GRIN2A: variants seen among roughly 807,000 people sequenced by gnomAD.
GRIN2A encodes the protein glutamate receptor ionotropic, NMDA 2A.
A neutral mutation model predicts 113.4 loss-of-function variants in GRIN2A; 22 were observed. That is an observed-to-expected ratio of 0.19 (90% CI 0.14 to 0.28). GRIN2A has a LOEUF of 0.28. GRIN2A is among the 10% of genes least tolerant of loss of function. The pLI is 1.00. For missense variants in GRIN2A, 1,502 were observed against 1,887.0 expected, an observed-to-expected ratio of 0.80 and a Z score of 3.78; for synonymous variants, 827 against 738.4, an observed-to-expected ratio of 1.12 and a Z score of -1.94.
intron 2 of GRIN2A, among the ~76,000 whole-genome samples, chr16:10,014,717 C>T (rs538795198): frequency 2.0e-5 from 3 of 152,236 alleles, no homozygotes; most frequent in African/African-American, 7.2e-5. Context: ...ATGAGGGTGT[C>T]TCAAGAAGTG....
chr16:10,046,281 C>G (rs770135304), intron 2 of GRIN2A, among the ~76,000 whole-genome samples: 1 of 151,944 alleles, frequency 6.6e-6, no homozygotes, highest in Non-Finnish European at 1.5e-5. Flanking sequence ...CTTATCACCA[C>G]CCTGAGGATG....
At chr16:10,011,320 A>G (rs183713312) in intron 2 of GRIN2A, among the ~76,000 whole-genome samples, 4 of 152,334 alleles carry the variant, frequency 2.6e-5, no homozygotes, top group Non-Finnish European at 5.9e-5. Flanking sequence ...GTAAGGTGCT[A>G]AGGTACCTGT....
At chr16:9,831,794 G>A (rs1037052125) in intron 8 of GRIN2A, among the ~76,000 whole-genome samples, 2 of 152,040 alleles carry the variant, frequency 1.3e-5, no homozygotes, top group Non-Finnish European at 2.9e-5. Context: ...GGGATTACAG[G>A]CATGAGCCAC....
chr16:10,074,156 C>G (rs1171420372), intron 2 of GRIN2A, among the ~76,000 whole-genome samples: 1 of 152,134 alleles, frequency 6.6e-6, no homozygotes, highest in Non-Finnish European at 1.5e-5. Flanking sequence ...TAGAGAAATG[C>G]AAATCAAAAT....
intron 2 of GRIN2A, among the ~76,000 whole-genome samples, chr16:10,128,892 G>C (rs935878869): frequency 6.6e-6 from 1 of 152,164 alleles, no homozygotes. Flanking sequence ...AGAAATTCTG[G>C]CTCCCAGCTA....
rs1900532193 is a variant in GRIN2A, at chr16:9,760,398, T to TG, written c.*2750dup. The TG allele has an allele frequency of 1.0e-5, 2 of 198,906 alleles. No individual in the cohort carries two copies. Among genetic ancestry groups the TG allele is most frequent in the East Asian group, 7.5e-5 (1 of 13,374 alleles). The allele number at this position is 198,906 out of a possible 1,614,324, so 12.3% of individuals were successfully genotyped here. A position where few individuals can be genotyped will look rare whatever the true frequency, so the allele number is the denominator to read the frequency against. Reference sequence around the variant, plus strand: ...GATTTTTTTTTTTTTTTTTTTTTTTTGCTTGGGATCATCACATTGAAGAGT... The same window carrying TG: ...GATTTTTTTTTTTTTTTTTTTTTTTTGGCTTGGGATCATCACATTGAAGAGT... On this transcript the variant is annotated 3_prime_UTR_variant, in exon 13 of 13. Coordinates refer to ENST00000330684, the MANE Select transcript of GRIN2A (RefSeq NM_001134407.3).
intron 2 of GRIN2A, among the ~76,000 whole-genome samples, chr16:9,977,648 A>G (rs2045803025): frequency 6.6e-6 from 1 of 152,110 alleles, no homozygotes; most frequent in Non-Finnish European, 1.5e-5. Flanking sequence ...CAGCTTTGCC[A>G]CTAAATTTTA....
At chr16:10,060,127 A>G (rs2047525644) in intron 2 of GRIN2A, among the ~76,000 whole-genome samples, 1 of 152,102 alleles carries the variant, frequency 6.6e-6, no homozygotes, top group Admixed American at 6.6e-5. Flanking sequence ...AGTGAGGGAG[A>G]AATCACCTAT....
chr16:10,114,105 A>G (rs975429577), intron 2 of GRIN2A, among the ~76,000 whole-genome samples: 1 of 152,126 alleles, frequency 6.6e-6, no homozygotes, highest in African/African-American at 2.4e-5. Flanking sequence ...GGCAAGAAAA[A>G]TTGCCTGAGC....
chr16:9,822,359 C>G lies in GRIN2A; in HGVS notation c.2073G>C (p.Glu691Asp). The change falls in exon 10 of 13, where the codon GAG becomes GAC. Residue 691 changes from glutamate (E) to aspartate (D), a missense_variant. Physicochemically the swap from Glu to Asp is conservative, Grantham distance 45 (BLOSUM62 2). Transcript: ENST00000330684. ...RFGTVPNGSTERNIRNNYPYM... is the reference protein window; with the variant it reads ...RFGTVPNGSTDRNIRNNYPYM... ...AGGGATAGTTATTCCGAATGTTTCT[C>G]TCCGTGCTTCCATTAGGCACTGTCC... The G allele has an allele frequency of 6.2e-7, 1 of 1,612,694 alleles. No individual in the cohort carries two copies. The highest frequency in any genetic ancestry group is 8.5e-7 in the Non-Finnish European group (1 of 1,178,760).
At chr16:10,057,597 C>T (rs983116702) in intron 2 of GRIN2A, among the ~76,000 whole-genome samples, 13 of 151,814 alleles carry the variant, frequency 8.6e-5, no homozygotes, top group African/African-American at 3.1e-4. Flanking sequence ...TAACAGAAAG[C>T]CTCTGTAAGG....
At chr16:9,847,235 A>G (rs1375762940) in intron 5 of GRIN2A, among the ~76,000 whole-genome samples, 3 of 152,152 alleles carry the variant, frequency 2.0e-5, no homozygotes, top group African/African-American at 7.2e-5. Context: ...ACAGCCAGAA[A>G]AGTGGAAACT....
chr16:9,815,741 C>T (rs2042174832), intron 10 of GRIN2A, among the ~76,000 whole-genome samples: 1 of 152,182 alleles, frequency 6.6e-6, no homozygotes, highest in Non-Finnish European at 1.5e-5. Flanking sequence ...ATAGAATTGA[C>T]ATATGATCCA....
intron 2 of GRIN2A, among the ~76,000 whole-genome samples, chr16:10,107,208 G>A (rs943116200): frequency 2.6e-5 from 4 of 152,132 alleles, no homozygotes; most frequent in Admixed American, 6.5e-5. Flanking sequence ...AGAGCTAAGC[G>A]GAAGATCTCA....
intron 3 of GRIN2A, among the ~76,000 whole-genome samples, chr16:9,922,839 G>T (rs1265621295): frequency 6.6e-6 from 1 of 151,894 alleles, no homozygotes; most frequent in African/African-American, 2.4e-5. Flanking sequence ...TAATTTCAAA[G>T]TGGTCACAGA....
intron 2 of GRIN2A, among the ~76,000 whole-genome samples, chr16:10,129,139 G>C (rs966194951): frequency 6.6e-6 from 1 of 151,780 alleles, no homozygotes; most frequent in Non-Finnish European, 1.5e-5. Flanking sequence ...GCAGTGGCAC[G>C]ATCAGAGCTC....
rs929880823 is a variant in GRIN2A, at chr16:9,759,297, A to AT, written c.*3851dup. On this transcript the variant is annotated 3_prime_UTR_variant, in exon 13 of 13. Coordinates refer to ENST00000330684, the MANE Select transcript of GRIN2A (RefSeq NM_001134407.3). ...TAATCACCATTTAATTAACATCAACATTTTTTTTCTTTTTCATTAGCAATT... is the reference window on the plus strand; with the variant it reads ...TAATCACCATTTAATTAACATCAACATTTTTTTTTCTTTTTCATTAGCAATT... 30 of 220,784 alleles carry AT rather than the reference A, an allele frequency of 1.4e-4. No individual in the cohort carries two copies. Among genetic ancestry groups the AT allele is most frequent in the East Asian group, 6.7e-4 (10 of 14,972 alleles). The allele number at this position is 220,784 out of a possible 1,614,324, so 13.7% of individuals were successfully genotyped here.
chr16:10,149,623 A>T (rs2049525425), intron 2 of GRIN2A, among the ~76,000 whole-genome samples: 1 of 152,112 alleles, frequency 6.6e-6, no homozygotes. Context: ...GCACATCCCC[A>T]AACTGGTCAG....
chr16:10,122,124 T>C (rs1164436300), intron 2 of GRIN2A, among the ~76,000 whole-genome samples: 4 of 152,088 alleles, frequency 2.6e-5, no homozygotes, highest in Non-Finnish European at 5.9e-5. Flanking sequence ...TATTGACAAA[T>C]AGGTTATTTT....
Sources: allele counts gnomAD v4.1 joint callset (sites outside exome capture counted in the v4.1 genomes callset), GRCh38; gene constraint gnomAD v4.1.1; transcripts MANE v1.5; gene names NCBI Gene and HGNC (gene_info 2026-07-23, HGNC 2026-07-21).